CLSTN2: variants seen among roughly 807,000 people sequenced by gnomAD.
CLSTN2 encodes the protein calsyntenin-2.
In CLSTN2, 48 loss-of-function variants were observed where a neutral mutation model predicts 101.2. The observed-to-expected ratio is 0.47, with a 90% CI of 0.38 to 0.60. The LOEUF (loss-of-function observed/expected upper bound fraction) is 0.60, where lower values mean the gene tolerates loss of function less well. CLSTN2 is among the 20% of genes least tolerant of loss of function. The pLI, the probability that CLSTN2 is intolerant of heterozygous loss-of-function variation, is 0.00. For missense variants in CLSTN2, 1,160 were observed against 1,238.2 expected (o/e 0.94, Z 0.95); for synonymous variants, 481 against 463.6 (o/e 1.04, Z -0.48).
intron 2 of CLSTN2, among the ~76,000 whole-genome samples, chr3:140,234,451 C>T (rs562997384): frequency 1.3e-5 from 2 of 152,182 alleles, no homozygotes; most frequent in East Asian, 1.9e-4. Flanking sequence ...TCTCGGTTTT[C>T]GCCTCTGTAA....
chr3:140,496,377 G>A (rs1934465608), intron 8 of CLSTN2, among the ~76,000 whole-genome samples: 1 of 152,114 alleles, frequency 6.6e-6, no homozygotes, highest in Non-Finnish European at 1.5e-5. Context: ...AAGGTGATGG[G>A]ATTTTCTAGA....
At chr3:140,432,276 T>C (rs756384954) in intron 5 of CLSTN2, among the ~76,000 whole-genome samples, 1 of 152,180 alleles carries the variant, frequency 6.6e-6, no homozygotes, top group Non-Finnish European at 1.5e-5. Flanking sequence ...TGCCTTGTTA[T>C]GAGGACCAGC....
chr3:140,467,494 C>T (rs1216369437), intron 8 of CLSTN2, among the ~76,000 whole-genome samples: 6 of 152,190 alleles, frequency 3.9e-5, no homozygotes, highest in Non-Finnish European at 8.8e-5. Context: ...AGAATGCCAG[C>T]AGTCAGAAAA....
intron 1 of CLSTN2, among the ~76,000 whole-genome samples, chr3:139,998,048 G>T (rs982705793): frequency 1.3e-5 from 2 of 152,122 alleles, no homozygotes; most frequent in Non-Finnish European, 2.9e-5. Flanking sequence ...AACCTTGATG[G>T]ACATTTAGTA....
intron 8 of CLSTN2, among the ~76,000 whole-genome samples, chr3:140,475,142 T>C (rs1479484082): frequency 6.6e-6 from 1 of 152,092 alleles, no homozygotes; most frequent in African/African-American, 2.4e-5. Flanking sequence ...AAGTAGTGAC[T>C]GCTATGATTA....
At chr3:140,275,542 G>T (rs1431390251) in intron 2 of CLSTN2, among the ~76,000 whole-genome samples, 4 of 152,142 alleles carry the variant, frequency 2.6e-5, no homozygotes, top group Non-Finnish European at 5.9e-5. Context: ...AAAATGCTGG[G>T]ATTACAGGCA....
intron 1 of CLSTN2, among the ~76,000 whole-genome samples, chr3:139,973,405 G>A (rs965400584): frequency 6.6e-6 from 1 of 152,194 alleles, no homozygotes; most frequent in Non-Finnish European, 1.5e-5. Context: ...AAATTGGAGG[G>A]CTCATCTCAG....
intron 1 of CLSTN2, among the ~76,000 whole-genome samples, chr3:140,023,014 A>G (rs1049627965): frequency 6.6e-6 from 1 of 152,170 alleles, no homozygotes; most frequent in Non-Finnish European, 1.5e-5. Flanking sequence ...AAGGGCTTCA[A>G]CGTTCCTCTG....
chr3:140,454,188 A>T (rs932377340), intron 6 of CLSTN2: 11 of 152,188 alleles, frequency 7.2e-5, no homozygotes, highest in Non-Finnish European at 1.5e-4. Context: ...TCTTATGCTT[A>T]TTTCTTGCAG....
intron 1 of CLSTN2, among the ~76,000 whole-genome samples, chr3:139,960,663 A>G (rs1051090805): frequency 1.3e-5 from 2 of 152,178 alleles, no homozygotes; most frequent in Non-Finnish European, 2.9e-5. Context: ...CATGAGCTTG[A>G]TGCACTGCGT....
At position 139,955,112 on chromosome 3, in the gene CLSTN2, C is replaced by CTATATATATATATATATATATATATA. The variant is rs58418059; in HGVS notation, c.109+19631_109+19656dup. Among the ~76,000 whole-genome samples, 13 of 71,540 alleles carry CTATATATATATATATATATATATATA rather than the reference C, an allele frequency of 1.8e-4. 2 individuals carry two copies. Among genetic ancestry groups the CTATATATATATATATATATATATATA allele is most frequent in the Non-Finnish European group, 2.3e-4 (9 of 39,776 alleles). The allele number at this position is 71,540 out of a possible 152,430, so 46.9% of individuals were successfully genotyped here. ...CATACATGTATATATGGCAATATTG[C>CTATATATATATATATATATATATATA]TATATATATATATATATATATATAT... On this transcript the variant is annotated intron_variant, in intron 1 of 16. Coordinates refer to ENST00000458420, the MANE Select transcript of CLSTN2 (RefSeq NM_022131.3).
At chr3:140,551,020 A>G (rs1935690436) in intron 10 of CLSTN2, among the ~76,000 whole-genome samples, 1 of 152,088 alleles carries the variant, frequency 6.6e-6, no homozygotes, top group South Asian at 2.1e-4. Flanking sequence ...ACTTCTCACA[A>G]CAAATTAAAT....
chr3:140,553,312 A>C (rs920386518), intron 10 of CLSTN2, among the ~76,000 whole-genome samples: 3 of 152,238 alleles, frequency 2.0e-5, no homozygotes, highest in African/African-American at 7.2e-5. Context: ...ATATCTTGTA[A>C]GTGCTAGAAA....
At chr3:140,404,834 A>C in intron 4 of CLSTN2, 68 bp downstream of exon 4, 1 of 1,318,228 alleles carries the variant, frequency 7.6e-7, no homozygotes, top group Non-Finnish European at 1.1e-6. Flanking sequence ...CTGAAGACCC[A>C]ACATGGGCTC....
intron 1 of CLSTN2, among the ~76,000 whole-genome samples, chr3:140,060,568 C>T (rs186983031): frequency 6.6e-6 from 1 of 152,276 alleles, no homozygotes; most frequent in African/African-American, 2.4e-5. Context: ...TCCTGGCCCT[C>T]GGCAATGGGA....
chr3:140,044,010 C>A (rs949493553), intron 1 of CLSTN2, among the ~76,000 whole-genome samples: 4 of 152,044 alleles, frequency 2.6e-5, no homozygotes, highest in African/African-American at 9.7e-5. Context: ...CAATGCAGGA[C>A]CTTTTTTGGT....
At chr3:140,279,930 G>A (rs1344043879) in intron 2 of CLSTN2, among the ~76,000 whole-genome samples, 2 of 152,162 alleles carry the variant, frequency 1.3e-5, no homozygotes, top group African/African-American at 4.8e-5. Flanking sequence ...TGCACAATAA[G>A]CCATCACCTG....
At chr3:140,125,381 A>G (rs910232590) in intron 1 of CLSTN2, among the ~76,000 whole-genome samples, 2 of 152,086 alleles carry the variant, frequency 1.3e-5, no homozygotes, top group Non-Finnish European at 2.9e-5. Context: ...GGCACAAGGG[A>G]CACATCTAGG....
intron 4 of CLSTN2, among the ~76,000 whole-genome samples, chr3:140,410,439 AG>A (rs2088350781): frequency 6.6e-6 from 1 of 151,618 alleles, no homozygotes; most frequent in African/African-American, 2.4e-5. Context: ...CTACCAACCA[AG>A]GGTACTTTAC....
Sources: gnomAD v4.1 joint callset for allele counts (sites outside exome capture counted in the v4.1 genomes callset) on GRCh38, gnomAD v4.1.1 for gene constraint, MANE v1.5 for transcripts, NCBI Gene and HGNC (gene_info 2026-07-23, HGNC 2026-07-21) for gene names.